Variants in PRKAG3 observed in about 807,000 individuals in gnomAD.
PRKAG3 encodes the protein protein kinase AMP-activated non-catalytic subunit gamma 3.
Under a neutral mutation model 56.5 loss-of-function variants are expected in PRKAG3, and 39 were observed. That is an observed-to-expected ratio of 0.69 (90% CI 0.53 to 0.90). The LOEUF (loss-of-function observed/expected upper bound fraction) is 0.90, where lower values mean the gene tolerates loss of function less well. Among genes scored for constraint, PRKAG3 ranks in the 40% least tolerant of loss-of-function variants. PRKAG3 has a pLI of 0.00. For missense variants in PRKAG3, 628 were observed against 627.5 expected, an observed-to-expected ratio of 1.00 and a Z score of -0.01; for synonymous variants, 243 against 250.1, an observed-to-expected ratio of 0.97 and a Z score of 0.27.
chr2:218,829,866 G>A (rs1447951845), intron 4 of PRKAG3, 112 bp downstream of exon 4: 1 of 1,359,764 alleles, frequency 7.4e-7, no homozygotes, highest in African/African-American at 1.4e-5. Context: ...AGTCCTTTCA[G>A]GGGGCTTGCA....
chr2:218,830,649 T>C, intron 3 of PRKAG3, 97 bp downstream of exon 3: 5 of 1,430,492 alleles, frequency 3.5e-6, no homozygotes, highest in Non-Finnish European at 4.7e-6. Flanking sequence ...TCCAACTCTG[T>C]GTTATGGAGG....
chr2:218,826,828 C>T (rs956193804), intron 10 of PRKAG3, 100 bp downstream of exon 10: 9 of 1,492,530 alleles, frequency 6.0e-6, no homozygotes, highest in African/African-American at 2.8e-5. Context: ...CTGTACCCCC[C>T]ACAGGGATGG....
exon 13 of PRKAG3, chr2:218,823,495 A>T (rs1427282031): frequency 1.9e-6 from 1 of 517,402 alleles, no homozygotes; most frequent in Non-Finnish European, 3.4e-6. Flanking sequence ...AAATGGGACA[A>T]AGTGGGGACC....
intron 1 of PRKAG3, 97 bp downstream of exon 1, chr2:218,831,641 C>T: frequency 6.8e-7 from 1 of 1,475,900 alleles, no homozygotes; most frequent in African/African-American, 1.4e-5. Context: ...CAAACACACA[C>T]CAGAAGACAC....
In PRKAG3 at chr2:218,827,715, C is replaced by G. The variant is rs1943955900; in HGVS notation, c.821-86G>C. Reference sequence around the variant, plus strand: ...AGGCAGCTTCCCTTCCGTCAGGCACCCGAGGCTCCTATTGTCCCTCCCCTG... The same window carrying G: ...AGGCAGCTTCCCTTCCGTCAGGCACGCGAGGCTCCTATTGTCCCTCCCCTG... On this transcript the variant is annotated intron_variant, in intron 7 of 12. Transcript: ENST00000529249. This position sits in a 1 kb window ranked among gnomAD's most constrained non-coding sequence, Gnocchi z 5.3. 6.4e-7 allele frequency: 1 copy of G among 1,568,000 alleles called. No homozygotes were observed.
chr2:218,831,479 G>A (rs1007928774), intron 1 of PRKAG3, 104 bp from the exon 2 acceptor site: 41 of 1,122,118 alleles, frequency 3.7e-5, no homozygotes, highest in Non-Finnish European at 5.0e-5. Flanking sequence ...CAATACACAC[G>A]CTCAGACACA....
At chr2:218,822,786 A>T (rs772094256), downstream of PRKAG3, 11 of 727,894 alleles carry the variant, frequency 1.5e-5, no homozygotes, top group Non-Finnish European at 1.7e-5. Flanking sequence ...TGGGAACAAC[A>T]GCTGGGACTC....
At chr2:218,826,841 T>TGG in intron 10 of PRKAG3, 87 bp downstream of exon 10, 2 of 1,544,286 alleles carry the variant, frequency 1.3e-6, no homozygotes, top group Non-Finnish European at 1.8e-6. Context: ...AGGGATGGCA[T>TGG]GAGAAACCCT....
At position 218,831,328 on chromosome 2, in the gene PRKAG3, C is replaced by A. The variant is rs1215505448; in HGVS notation, c.73+8G>T. Reference sequence around the variant, plus strand: ...GGTTAGGCCCCAGGGAGGGGGCATTCTCCCTACCTTGATGCTCAGAACCCC... The same window carrying A: ...GGTTAGGCCCCAGGGAGGGGGCATTATCCCTACCTTGATGCTCAGAACCCC... On this transcript the variant is annotated splice_region_variant and intron_variant, in intron 2 of 12. Transcript: ENST00000529249. 2 of 1,589,080 alleles carry A rather than the reference C, an allele frequency of 1.3e-6. No homozygotes were observed. The highest frequency in any genetic ancestry group is 1.8e-5 in the Admixed American group (1 of 56,692).
downstream of PRKAG3, chr2:218,822,375 G>A (rs796663647): frequency 4.6e-5 from 7 of 152,236 alleles, no homozygotes; most frequent in African/African-American, 1.4e-4. Flanking sequence ...GTAGAATAGC[G>A]CTACATTGCA....
Position 218,823,787 on chromosome 2 carries a change from G to A in PRKAG3, c.1445C>T (p.Ala482Val), listed in dbSNP as rs34720726. ...TCAGGCCCCGAGGGCATCGATGCCA[G>A]CAGGGCTGAGCACCAGTGCCTGAAG... The change falls in exon 13 of 13, where the codon GCT (alanine) becomes GTT (valine). Residue 482 changes from alanine (A) to valine (V), a missense_variant. Coordinates refer to ENST00000529249, the Ensembl canonical transcript of PRKAG3. 1,951 of 1,614,120 alleles carry A rather than the reference G, an allele frequency of 1.2e-3. 18 individuals carry two copies. In the African/African-American group the frequency reaches 0.021, roughly 18 times the overall value.
At chr2:218,828,894 T>G (rs1943976753) in intron 4 of PRKAG3, among the ~76,000 whole-genome samples, 1 of 152,234 alleles carries the variant, frequency 6.6e-6, no homozygotes, top group Non-Finnish European at 1.5e-5. Flanking sequence ...AGTTCATGTT[T>G]CCATTTGGAG....
At chr2:218,830,871 C>T (rs1944010486) in exon 3 of PRKAG3, 5 of 1,613,852 alleles carry the variant, frequency 3.1e-6, no homozygotes, top group Non-Finnish European at 4.2e-6. Flanking sequence ...TGGCCATGAG[C>T]TGCTGTTTTC....
At chr2:218,824,481 C>T (rs1943902534) in intron 11 of PRKAG3, 58 bp downstream of exon 11, 1 of 1,603,258 alleles carries the variant, frequency 6.2e-7, no homozygotes, top group Admixed American at 1.7e-5. Flanking sequence ...AGAGGCCCCC[C>T]ACCCATCCCC....
At chr2:218,823,684 G>A (rs1022848257) in exon 13 of PRKAG3, 17 of 1,606,816 alleles carry the variant, frequency 1.1e-5, no homozygotes, top group Non-Finnish European at 1.4e-5. Context: ...GGTGGGGGAA[G>A]ATGAAGGCTG....
rs372540696 is a variant in PRKAG3 at position 218,827,059 on chromosome 2, C to A, written c.1037G>T (p.Arg346Leu). ...GCCGATGCCCAAATCTTGGATAGTG[C>A]GGTAGAGGAAGGAGGGCCGGGGCAG... The change falls in exon 10 of 13, where the codon CGC (arginine) becomes CTC (leucine). Residue 346 changes from arginine (R) to leucine (L), a missense_variant. Physicochemically the swap from Arg to Leu is moderately radical, Grantham distance 102. Coordinates refer to ENST00000529249, the Ensembl canonical transcript of PRKAG3. This position sits in a 1 kb window ranked among gnomAD's most constrained non-coding sequence, Gnocchi z 5.3. 3 of 1,613,754 alleles carry A rather than the reference C, an allele frequency of 1.9e-6. No homozygotes were observed. Among genetic ancestry groups the A allele is most frequent in the Non-Finnish European group, 2.5e-6 (3 of 1,180,030 alleles).
At position 218,830,737 on chromosome 2, in the gene PRKAG3, T is replaced by C. The variant is rs753675949; in HGVS notation, c.229+9A>G. The C allele has an allele frequency of 6.8e-6, 11 of 1,611,796 alleles. No individual in the cohort carries two copies. In the South Asian group the frequency reaches 1.1e-4, roughly 16 times the overall value. On this transcript the variant is annotated intron_variant, in intron 3 of 12. Transcript: ENST00000529249. ...GCTCCCACCTCCCCAGAACTGGCCT[T>C]GGCCTCACCTTCCCCCTGACCTGGT...
At chr2:218,824,705 A>G in intron 10 of PRKAG3, 129 bp from the exon 11 acceptor site, 1 of 830,596 alleles carries the variant, frequency 1.2e-6, no homozygotes, top group East Asian at 2.5e-5. Flanking sequence ...CAAGGATCAA[A>G]CTTAGCATCC....
At chr2:218,829,170 C>A (rs758507709) in intron 4 of PRKAG3, among the ~76,000 whole-genome samples, 1 of 151,992 alleles carries the variant, frequency 6.6e-6, no homozygotes, top group Non-Finnish European at 1.5e-5. Flanking sequence ...ATACATACAC[C>A]GTGTTTTGGG....
Sources: gnomAD v4.1 joint callset for allele counts (sites outside exome capture counted in the v4.1 genomes callset) on GRCh38, gnomAD v4.1.1 for gene constraint, Gnocchi (gnomAD v3.1) non-coding constraint, MANE v1.5 for transcripts, NCBI Gene and HGNC (gene_info 2026-07-23, HGNC 2026-07-21) for gene names.